Variants in BMPR1A observed in about 807,000 individuals in gnomAD.
The protein encoded by BMPR1A is bone morphogenetic protein receptor type 1A.
In BMPR1A, 7 loss-of-function variants were observed where a neutral mutation model predicts 66.0. That is an observed-to-expected ratio of 0.11 (90% CI 0.06 to 0.20). The LOEUF is 0.20. BMPR1A is among the 10% of genes least tolerant of loss of function. BMPR1A has a pLI of 1.00. For missense variants in BMPR1A, 408 were observed against 669.1 expected, an observed-to-expected ratio of 0.61 and a Z score of 4.31; for synonymous variants, 200 against 229.7, an observed-to-expected ratio of 0.87 and a Z score of 1.17.
intron 1 of BMPR1A, among the ~76,000 whole-genome samples, chr10:86,761,749 A>G (rs1841061290): frequency 6.6e-6 from 1 of 152,226 alleles, no homozygotes; most frequent in Non-Finnish European, 1.5e-5. Flanking sequence ...GGCGATAACT[A>G]GCGTGGATGA....
At chr10:86,916,846 A>G (rs1271886464) in intron 8 of BMPR1A, among the ~76,000 whole-genome samples, 2 of 152,092 alleles carry the variant, frequency 1.3e-5, no homozygotes, top group African/African-American at 2.4e-5. Flanking sequence ...CAAAAAAATT[A>G]GCTGGGCATG....
chr10:86,812,818 A>T (rs762216588), intron 1 of BMPR1A, among the ~76,000 whole-genome samples: 3 of 151,966 alleles, frequency 2.0e-5, no homozygotes, highest in Non-Finnish European at 4.4e-5. Context: ...TATTACGCAA[A>T]GTCTTTAGGC....
intron 1 of BMPR1A, among the ~76,000 whole-genome samples, chr10:86,767,190 C>T (rs1841179251): frequency 6.6e-6 from 1 of 152,100 alleles, no homozygotes; most frequent in South Asian, 2.1e-4. Flanking sequence ...GGTTTCTTTG[C>T]TGTTGTATGA....
At chr10:86,804,271 T>C (rs994432800) in intron 1 of BMPR1A, among the ~76,000 whole-genome samples, 4 of 152,204 alleles carry the variant, frequency 2.6e-5, no homozygotes, top group African/African-American at 9.7e-5. Flanking sequence ...GACAGAGTCT[T>C]GTTCTGTCGC....
At position 86,927,819 on chromosome 10, in the gene BMPR1A, T is replaced by C. The variant is rs901111543; in HGVS notation, c.*4100T>C. On this transcript the variant is annotated 3_prime_UTR_variant, in exon 13 of 13. Transcript: ENST00000372037. ...AGGCAGTTGTAAAACACCAAAAATA[T>C]AGATTCGTCTTTGACGTGTAACACA... The C allele has an allele frequency of 1.5e-5, 3 of 197,966 alleles. No individual in the cohort carries two copies. Among genetic ancestry groups the C allele is most frequent in the Non-Finnish European group, 3.1e-5 (3 of 95,916 alleles). 12.3% of individuals were successfully genotyped at this position (197,966 alleles called of 1,614,324 possible).
chr10:86,921,539 G>A lies in BMPR1A; in HGVS notation c.1186G>A (p.Val396Met), dbSNP rs1161972977. 1.2e-6 allele frequency: 2 copies of A among 1,614,032 alleles called. No individual in the cohort carries two copies. Among genetic ancestry groups the A allele is most frequent in the Non-Finnish European group, 1.7e-6 (2 of 1,179,948 alleles). The change falls in exon 11 of 13, where the codon GTG becomes ATG. Residue 396 changes from valine to methionine, a missense_variant. Val to Met is a conservative substitution (Grantham distance 21, BLOSUM62 1). This residue lies in a region of BMPR1A where 130 missense variants were observed against 257.3 expected (regional missense o/e 0.51). Transcript: ENST00000372037. ...TTTCAGTGACACAAATGAAGTTGATGTGCCCTTGAATACCAGGGTGGGCAC... is the reference window on the plus strand; with the variant it reads ...TTTCAGTGACACAAATGAAGTTGATATGCCCTTGAATACCAGGGTGGGCAC... ...KFNSDTNEVD[V>M]PLNTRVGTKR... is the part of the protein sequence containing the mutation.
chr10:86,843,151 A>G (rs1842446447), intron 2 of BMPR1A, among the ~76,000 whole-genome samples: 1 of 152,168 alleles, frequency 6.6e-6, no homozygotes, highest in African/African-American at 2.4e-5. Flanking sequence ...TGTTTAGAAA[A>G]TGTTTAATTT....
At chr10:86,818,671 CAG>C (rs1323363987) in intron 1 of BMPR1A, among the ~76,000 whole-genome samples, 2 of 152,170 alleles carry the variant, frequency 1.3e-5, no homozygotes, top group East Asian at 1.9e-4. Context: ...TTGAAAAACT[CAG>C]ATAAATGTAG....
At chr10:86,843,548 T>C (rs1270158700) in intron 2 of BMPR1A, 1 of 152,200 alleles carries the variant, frequency 6.6e-6, no homozygotes. Flanking sequence ...ATAACCAACA[T>C]TGCCATGCAA....
chr10:86,931,298 C>CATATATATATATATAT (rs1175375580), downstream of BMPR1A: 55 of 90,876 alleles, frequency 6.1e-4, 3 homozygotes, highest in African/African-American at 3.5e-3. Context: ...CACACACACA[C>CATATATATATATATAT]ATATATATAT....
intron 1 of BMPR1A, among the ~76,000 whole-genome samples, chr10:86,768,342 A>G (rs1271454966): frequency 6.6e-6 from 1 of 152,254 alleles, no homozygotes; most frequent in Non-Finnish European, 1.5e-5. Context: ...AACATTTGTT[A>G]AAAGAAGTGG....
chr10:86,870,549 A>G (rs1485959754), intron 2 of BMPR1A, among the ~76,000 whole-genome samples: 1 of 152,076 alleles, frequency 6.6e-6, no homozygotes, highest in Non-Finnish European at 1.5e-5. Context: ...CAGCCTCCCT[A>G]GTGTCTGGGA....
intron 3 of BMPR1A, among the ~76,000 whole-genome samples, chr10:86,876,308 C>T (rs1156281108): frequency 6.6e-6 from 1 of 152,110 alleles, no homozygotes; most frequent in South Asian, 2.1e-4. Flanking sequence ...TCTGTCTTCT[C>T]CTTCACAACA....
At chr10:86,904,505 T>G (rs1400974242) in intron 7 of BMPR1A, among the ~76,000 whole-genome samples, 1 of 152,100 alleles carries the variant, frequency 6.6e-6, no homozygotes, top group African/African-American at 2.4e-5. Flanking sequence ...AGAGAAAATA[T>G]CCTTCAAAAA....
upstream of BMPR1A, chr10:86,755,903 C>CCAT (rs1254961795): frequency 1.3e-5 from 2 of 152,186 alleles, no homozygotes; most frequent in Non-Finnish European, 1.5e-5. Context: ...CGGGGAGCCT[C>CCAT]CATCACCCTG....
intron 7 of BMPR1A, 129 bp downstream of exon 7, chr10:86,900,255 C>G (rs2133459128): frequency 2.3e-6 from 2 of 854,658 alleles, no homozygotes; most frequent in East Asian, 5.3e-5. Flanking sequence ...TGTAACTAGA[C>G]TATAGTTCTC....
intron 1 of BMPR1A, among the ~76,000 whole-genome samples, chr10:86,794,668 A>G (rs2132813758): frequency 6.6e-6 from 1 of 152,142 alleles, no homozygotes; most frequent in South Asian, 2.1e-4. Flanking sequence ...CCTAGCAACT[A>G]TTTTTAGGTT....
chr10:86,861,924 C>T (rs1472330704), intron 2 of BMPR1A, among the ~76,000 whole-genome samples: 3 of 152,142 alleles, frequency 2.0e-5, no homozygotes, highest in Admixed American at 2.0e-4. Context: ...TTGGGAAAGT[C>T]TGGTTTGTAT....
intron 1 of BMPR1A, among the ~76,000 whole-genome samples, chr10:86,807,974 T>G (rs1423127031): frequency 6.6e-6 from 1 of 151,780 alleles, no homozygotes; most frequent in Non-Finnish European, 1.5e-5. Flanking sequence ...ACCATGTTGG[T>G]CAGGCTGGTC....
Sources: gnomAD v4.1 joint callset for allele counts (sites outside exome capture counted in the v4.1 genomes callset) on GRCh38, gnomAD v4.1.1 for gene constraint, gnomAD v4.1.1 regional missense constraint, MANE v1.5 for transcripts, NCBI Gene and HGNC (gene_info 2026-07-23, HGNC 2026-07-21) for gene names.